The following NPRL3 variants were observed in gnomAD, a reference collection of about 807,000 sequenced individuals.
The protein encoded by NPRL3 is GATOR1 complex protein NPRL3.
A neutral mutation model predicts 57.2 loss-of-function variants in NPRL3; 23 were observed. The ratio of observed to expected loss-of-function variants is 0.40; its 90% CI spans 0.29 to 0.57. NPRL3 has a LOEUF of 0.57. Ranked by LOEUF, NPRL3 falls within the 20% of genes least tolerant of loss-of-function variation. The pLI, the probability that NPRL3 is intolerant of heterozygous loss-of-function variation, is 0.42. For synonymous variants in NPRL3, 333 were observed against 321.1 expected (o/e 1.04, Z -0.39); for missense variants, 691 against 767.1 (o/e 0.90, Z 1.17).
chr16:109,719 C>T (rs546974431), intron 7 of NPRL3, among the ~76,000 whole-genome samples: 38 of 152,176 alleles, frequency 2.5e-4, no homozygotes, highest in African/African-American at 8.2e-4. Flanking sequence ...CCTCTTCCCC[C>T]GAGCTTTGCC....
intron 7 of NPRL3, among the ~76,000 whole-genome samples, chr16:102,237 C>T (rs941064684): frequency 5.3e-5 from 8 of 152,198 alleles, no homozygotes; most frequent in Admixed American, 1.3e-4. Flanking sequence ...CCAACTCCAC[C>T]GCTCACCACA....
intron 7 of NPRL3, among the ~76,000 whole-genome samples, chr16:109,823 T>A (rs755891679): frequency 6.6e-6 from 1 of 152,208 alleles, no homozygotes; most frequent in African/African-American, 2.4e-5. Context: ...CTGATGCATC[T>A]CTTCACATGT....
chr16:92,483 G>A (rs937954744), intron 11 of NPRL3, 113 bp downstream of exon 11: 2 of 1,349,890 alleles, frequency 1.5e-6, no homozygotes, highest in Non-Finnish European at 2.0e-6. Context: ...CCAAAACCAA[G>A]GAGAAGCAGG....
At chr16:98,443 C>T (rs1899122193) in intron 8 of NPRL3, 142 bp from the exon 9 acceptor site, 1 of 889,854 alleles carries the variant, frequency 1.1e-6, no homozygotes, top group African/African-American at 1.7e-5. Flanking sequence ...AGGTATGCAC[C>T]TGGGACTCAA....
chr16:108,935 G>T (rs776103711), intron 7 of NPRL3, among the ~76,000 whole-genome samples: 9 of 151,948 alleles, frequency 5.9e-5, no homozygotes, highest in Non-Finnish European at 1.3e-4. Flanking sequence ...CTGGCAAAGT[G>T]TTGGGATCAC....
intron 8 of NPRL3, among the ~76,000 whole-genome samples, chr16:99,938 T>TCA (rs139398972): frequency 0.062 from 6,886 of 110,930 alleles, 668 homozygotes; most frequent in African/African-American, 0.21. Context: ...TGTCTCTCTC[T>TCA]CACACACACA....
rs1898816597 is a variant in NPRL3 at position 92,742 on chromosome 16, A to G, written c.1032-17T>C. 6.2e-7 allele frequency: 1 copy of G among 1,612,376 alleles called. No homozygotes were observed. Among genetic ancestry groups the G allele is most frequent in the African/African-American group, 1.3e-5 (1 of 74,908 alleles). On this transcript the variant is annotated splice_polypyrimidine_tract_variant and intron_variant, in intron 10 of 13. Coordinates refer to ENST00000611875, the MANE Select transcript of NPRL3 (RefSeq NM_001077350.3). ...GGGGAGTACCTGCAGGCAGGTGAGCATGCCAGTGAGTGCAGCAGACCCCCC... is the reference window on the plus strand; with the variant it reads ...GGGGAGTACCTGCAGGCAGGTGAGCGTGCCAGTGAGTGCAGCAGACCCCCC...
intron 6 of NPRL3, 117 bp from the exon 7 acceptor site, chr16:110,723 T>G: frequency 1.3e-6 from 1 of 776,838 alleles, no homozygotes. Flanking sequence ...AATTTTTTTG[T>G]ATTTTTGGTA....
chr16:125,935 T>A (rs1451977009), intron 3 of NPRL3: 1 of 152,158 alleles, frequency 6.6e-6, no homozygotes, highest in Non-Finnish European at 1.5e-5. Context: ...CTGTATGTTG[T>A]GAGCTAGAGA....
chr16:100,374 G>A lies in NPRL3; in HGVS notation c.765C>T (p.Ile255=), dbSNP rs749118108. 3.3e-6 allele frequency: 5 copies of A among 1,535,932 alleles called. No homozygotes were observed. Among genetic ancestry groups the A allele is most frequent in the Non-Finnish European group, 4.4e-6 (5 of 1,140,424 alleles). ...PEAIERSLKA[I]RPYHALLLLS... Reference sequence around the variant, plus strand: ...AGCACGTGGGGCTGGGCACTTACCGGATGGCTTTCAGGCTCCGTTCGATGG... The same window carrying A: ...AGCACGTGGGGCTGGGCACTTACCGAATGGCTTTCAGGCTCCGTTCGATGG... Residue 255 remains isoleucine (I), a splice_region_variant and synonymous_variant, in exon 8 of 14, where the codon ATC becomes ATT. Transcript: ENST00000611875.
At chr16:102,984 T>A (rs1445769413) in intron 7 of NPRL3, among the ~76,000 whole-genome samples, 1 of 151,956 alleles carries the variant, frequency 6.6e-6, no homozygotes, top group East Asian at 1.9e-4. Context: ...CCAGGAGAGA[T>A]TTGTCCAGGG....
At position 86,549 on chromosome 16, in the gene NPRL3, C is replaced by T; in HGVS notation, c.*156G>A. Reference sequence around the variant, plus strand: ...ACCACCAGGGGCAAGGACAGCGGGGCTCTGCAGGCTTCACTGGGCCACGGC... The same window carrying T: ...ACCACCAGGGGCAAGGACAGCGGGGTTCTGCAGGCTTCACTGGGCCACGGC... On this transcript the variant is annotated 3_prime_UTR_variant, in exon 14 of 14. Transcript: ENST00000611875. 1.4e-6 allele frequency: 1 copy of T among 694,960 alleles called. No individual in the cohort carries two copies. The highest frequency in any genetic ancestry group is 2.4e-6 in the Non-Finnish European group (1 of 423,472). 43.0% of individuals were successfully genotyped at this position (694,960 alleles called of 1,614,324 possible).
intron 3 of NPRL3, among the ~76,000 whole-genome samples, chr16:127,981 T>C (rs1900616952): frequency 7.5e-6 from 1 of 133,858 alleles, no homozygotes; most frequent in African/African-American, 3.0e-5. Context: ...TTTCAGTTAA[T>C]TTCCATCTTC....
rs1898476312 is a variant in NPRL3, at chr16:86,522, G to A, written c.*183C>T. ...CACAGAGGGCAGCAGCCCCACAGCG[G>A]AACCACCAGGGGCAAGGACAGCGGG... is the stretch of plus-strand genomic sequence containing the variant. On this transcript the variant is annotated 3_prime_UTR_variant, in exon 14 of 14. Coordinates refer to ENST00000611875, the MANE Select transcript of NPRL3 (RefSeq NM_001077350.3). The A allele has an allele frequency of 1.6e-6, 1 of 616,222 alleles. No individual in the cohort carries two copies. Among genetic ancestry groups the A allele is most frequent in the Non-Finnish European group, 2.8e-6 (1 of 356,320 alleles). 38.2% of individuals were successfully genotyped at this position (616,222 alleles called of 1,614,324 possible).
intron 3 of NPRL3, among the ~76,000 whole-genome samples, chr16:127,814 C>T (rs1900601870): frequency 6.6e-6 from 1 of 151,596 alleles, no homozygotes; most frequent in Non-Finnish European, 1.5e-5. Context: ...GCCACCATGC[C>T]CGGATAACTT....
chr16:88,230 A>AATTAG lies in NPRL3; in HGVS notation c.1544+463_1544+467dup, dbSNP rs941811839. ...CATGAGGGTGAGAACTTGGCACTTAAATTAGCCGGGCGTGGTGGCGGGCGC... is the reference window on the plus strand; with the variant it reads ...CATGAGGGTGAGAACTTGGCACTTAAATTAGATTAGCCGGGCGTGGTGGCGGGCGC... On this transcript the variant is annotated intron_variant, in intron 13 of 13. Coordinates refer to ENST00000611875, the MANE Select transcript of NPRL3 (RefSeq NM_001077350.3). Among the ~76,000 whole-genome samples the AATTAG allele has an allele frequency of 2.2e-4, 33 of 151,988 alleles. 1 individual carries two copies. The highest frequency in any genetic ancestry group is 7.7e-4 in the African/African-American group (32 of 41,392).
intron 12 of NPRL3, 69 bp from the exon 13 acceptor site, chr16:88,959 G>A: frequency 7.1e-7 from 1 of 1,413,446 alleles, no homozygotes; most frequent in Non-Finnish European, 9.8e-7. Flanking sequence ...CGAGGGCAGA[G>A]CCAGCAGCCA....
At chr16:115,598 GC>G (rs1321926409) in intron 5 of NPRL3, among the ~76,000 whole-genome samples, 1 of 151,374 alleles carries the variant, frequency 6.6e-6, no homozygotes, top group Non-Finnish European at 1.5e-5. Flanking sequence ...CGATTCTACT[GC>G]CTCAGCCTCC....
At chr16:108,827 C>T (rs1018402536) in intron 7 of NPRL3, among the ~76,000 whole-genome samples, 12 of 151,900 alleles carry the variant, frequency 7.9e-5, no homozygotes, top group African/African-American at 1.2e-4. Context: ...TGCACCACCA[C>T]GCCCGGCTAA....
Sources: allele counts gnomAD v4.1 joint callset (sites outside exome capture counted in the v4.1 genomes callset), GRCh38; gene constraint gnomAD v4.1.1; transcripts MANE v1.5; gene names NCBI Gene and HGNC (gene_info 2026-07-23, HGNC 2026-07-21).